The following DMD variants were observed in gnomAD, a reference collection of about 807,000 sequenced individuals.
DMD encodes dystrophin, also known as mutant dystrophin.
DMD carries 63 observed loss-of-function variants against 330.1 expected under a neutral mutation model. That is an observed-to-expected ratio of 0.19 (90% CI 0.16 to 0.24). The LOEUF is 0.24. Ranked by LOEUF, DMD falls within the 10% of genes least tolerant of loss-of-function variation. The pLI is 1.00. For missense variants in DMD, 3,344 were observed against 2,684.1 expected (o/e 1.25, Z -5.43); for synonymous variants, 1,223 against 959.8 (o/e 1.27, Z -5.07).
At chrX:33,060,294 G>T (rs1470747158) in intron 1 of DMD, among the ~76,000 whole-genome samples, 1 of 111,134 alleles carries the variant, frequency 9.0e-6, no homozygotes, top group Non-Finnish European at 1.9e-5. Context: ...ATCCCCTGGA[G>T]GATGGTGGAT....
intron 50 of DMD, among the ~76,000 whole-genome samples, chrX:31,791,109 T>C (rs929418934): frequency 1.8e-5 from 2 of 111,237 alleles, no homozygotes; most frequent in African/African-American, 6.5e-5. Context: ...GGTTGAGAAC[T>C]TCTATAATGT....
At chrX:32,867,819 A>C (rs931500659) in intron 2 of DMD, among the ~76,000 whole-genome samples, 8 of 111,829 alleles carry the variant, frequency 7.2e-5, no homozygotes, top group African/African-American at 2.6e-4. Flanking sequence ...TTTGAACCTT[A>C]AATTTAAATA....
chrX:31,409,554 C>A (rs900458807), intron 60 of DMD, among the ~76,000 whole-genome samples: 8 of 112,074 alleles, frequency 7.1e-5, no homozygotes, highest in Non-Finnish European at 1.5e-4. Context: ...TCAGTCAACT[C>A]TAAAGTGCAA....
At chrX:32,785,880 C>G (rs180734343) in intron 7 of DMD, among the ~76,000 whole-genome samples, 3 of 111,116 alleles carry the variant, frequency 2.7e-5, no homozygotes, top group African/African-American at 9.8e-5. Context: ...TCTTTTAAAA[C>G]CTAGTTACTT....
At chrX:32,384,704 T>C (rs2097946583) in intron 33 of DMD, among the ~76,000 whole-genome samples, 1 of 110,814 alleles carries the variant, frequency 9.0e-6, no homozygotes, top group Non-Finnish European at 1.9e-5. Flanking sequence ...ATGCAAGAAA[T>C]ATGCCTCTCC....
chrX:31,523,109 G>T (rs954249391), intron 55 of DMD, among the ~76,000 whole-genome samples: 3 of 110,818 alleles, frequency 2.7e-5, no homozygotes, highest in African/African-American at 9.9e-5. Flanking sequence ...GTATGTCTGG[G>T]GTAGAACTCA....
intron 17 of DMD, among the ~76,000 whole-genome samples, chrX:32,542,464 G>A (rs1310590409): frequency 9.0e-6 from 1 of 111,687 alleles, no homozygotes; most frequent in Non-Finnish European, 1.9e-5. Context: ...CAAAGAGATG[G>A]ATCTGTGTGA....
At chrX:31,979,470 T>C (rs1391345465) in intron 44 of DMD, among the ~76,000 whole-genome samples, 2 of 112,488 alleles carry the variant, frequency 1.8e-5, no homozygotes, top group Non-Finnish European at 3.8e-5. Flanking sequence ...TTTTACTAAA[T>C]GGCTAAATGA....
chrX:31,537,850 T>C (rs1029800766), intron 55 of DMD, among the ~76,000 whole-genome samples: 13 of 112,215 alleles, frequency 1.2e-4, no homozygotes, highest in African/African-American at 3.2e-4. Flanking sequence ...GTAATACCCT[T>C]ACCATCTATA....
chrX:31,719,922 T>C (rs1466449626), intron 52 of DMD, among the ~76,000 whole-genome samples: 1 of 111,783 alleles, frequency 8.9e-6, no homozygotes, highest in Non-Finnish European at 1.9e-5. Flanking sequence ...TGCAGCCTAA[T>C]TGACATCTGA....
chrX:33,210,243 T>C (rs976391975), intron 1 of DMD, among the ~76,000 whole-genome samples: 1 of 110,230 alleles, frequency 9.1e-6, no homozygotes, highest in Non-Finnish European at 1.9e-5. Flanking sequence ...TTTTTTTTAG[T>C]AGTTGTGGAG....
chrX:32,949,955 G>T (rs1443401250), intron 2 of DMD, among the ~76,000 whole-genome samples: 1 of 93,654 alleles, frequency 1.1e-5, no homozygotes, highest in Non-Finnish European at 2.2e-5. Flanking sequence ...CCAGTGTAAA[G>T]GTGCAGAGGC....
At chrX:32,771,584 G>C (rs1327901652) in intron 7 of DMD, among the ~76,000 whole-genome samples, 2 of 110,467 alleles carry the variant, frequency 1.8e-5, no homozygotes, top group South Asian at 3.8e-4. Flanking sequence ...ATTATATCAA[G>C]GGCTGTGATT....
At position 31,735,715 on chromosome X, in the gene DMD, A is replaced by G. The variant is rs926114857; in HGVS notation, c.7543-5967T>C. On this transcript the variant is annotated intron_variant, in intron 51 of 78. Coordinates refer to ENST00000357033, the MANE Select transcript of DMD (RefSeq NM_004006.3). ...TCCATTCAACACATGCAGCTCAAGA[A>G]CTGTAGGAAACTAAAGCAAGCCACC... Among the ~76,000 whole-genome samples, 1 of 111,938 alleles carries G rather than the reference A, an allele frequency of 8.9e-6. No homozygotes were observed. The highest frequency in any genetic ancestry group is 9.5e-5 in the Admixed American group (1 of 10,568).
intron 36 of DMD, among the ~76,000 whole-genome samples, chrX:32,363,661 T>TTCAGAC (rs1397246435): frequency 1.8e-5 from 2 of 111,946 alleles, no homozygotes; most frequent in Admixed American, 1.9e-4. Flanking sequence ...CAAAATAAGC[T>TTCAGAC]TCAGACAATG....
chrX:32,284,553 C>T (rs1009785648), intron 43 of DMD, among the ~76,000 whole-genome samples: 4 of 111,703 alleles, frequency 3.6e-5, no homozygotes, highest in African/African-American at 9.8e-5. Flanking sequence ...GAGCCATTAT[C>T]GTGTTTAAGC....
chrX:31,177,144 CA>C (rs908701609), intron 71 of DMD, among the ~76,000 whole-genome samples: 3 of 111,197 alleles, frequency 2.7e-5, no homozygotes, highest in African/African-American at 9.8e-5. Context: ...TTAAAATAGG[CA>C]CTTTGTTTGC....
chrX:32,113,618 T>C (rs2096598039), intron 44 of DMD, among the ~76,000 whole-genome samples: 1 of 111,736 alleles, frequency 8.9e-6, no homozygotes, highest in Admixed American at 9.5e-5. Flanking sequence ...AGTTCAGCTC[T>C]AACACAGAAG....
chrX:31,122,027 C>G, intron 78 of DMD, 97 bp from the exon 79 acceptor site: 1 of 677,520 alleles, frequency 1.5e-6, no homozygotes, highest in Non-Finnish European at 2.4e-6. Context: ...TTCCCCATTT[C>G]TGGGTGAAGA....
Sources: gnomAD v4.1 joint callset for allele counts (sites outside exome capture counted in the v4.1 genomes callset) on GRCh38, gnomAD v4.1.1 for gene constraint, MANE v1.5 for transcripts, NCBI Gene and HGNC (gene_info 2026-07-23, HGNC 2026-07-21) for gene names.